CSMD1: variants seen among roughly 807,000 people sequenced by gnomAD.
CSMD1 encodes the protein CUB and Sushi multiple domains 1.
Under a neutral mutation model 417.5 loss-of-function variants are expected in CSMD1, and 213 were observed. The observed-to-expected ratio is 0.51, with a 90% CI of 0.46 to 0.57. The LOEUF is 0.57. CSMD1 is among the 20% of genes least tolerant of loss of function. CSMD1 has a pLI of 0.00. For missense variants in CSMD1, 6,923 were observed against 4,529.7 expected (o/e 1.53, Z -15.17); for synonymous variants, 2,862 against 1,736.8 (o/e 1.65, Z -16.11).
At chr8:3,258,592 G>T (rs867940359) in intron 26 of CSMD1, among the ~76,000 whole-genome samples, 1 of 152,138 alleles carries the variant, frequency 6.6e-6, no homozygotes, top group Non-Finnish European at 1.5e-5. Context: ...CCATTATTGG[G>T]TATATGCCCA....
At chr8:4,788,259 G>T in intron 1 of CSMD1, 1 of 1,588,154 alleles carries the variant, frequency 6.3e-7, no homozygotes, top group South Asian at 1.1e-5. Flanking sequence ...AGCTGAGTAT[G>T]AAAGGGATGG....
chr8:3,220,062 T>G (rs910589815), intron 28 of CSMD1, among the ~76,000 whole-genome samples: 1 of 149,410 alleles, frequency 6.7e-6, no homozygotes, highest in Non-Finnish European at 1.5e-5. Flanking sequence ...GGATGATCAC[T>G]TGAGGCCAGG....
At chr8:4,055,933 T>C (rs1248986306) in intron 3 of CSMD1, among the ~76,000 whole-genome samples, 3 of 152,148 alleles carry the variant, frequency 2.0e-5, no homozygotes, top group Non-Finnish European at 4.4e-5. Context: ...AACAAAAATA[T>C]GTAAATTACA....
chr8:4,885,579 G>C (rs1037726967), intron 1 of CSMD1, among the ~76,000 whole-genome samples: 4 of 152,074 alleles, frequency 2.6e-5, no homozygotes, highest in African/African-American at 7.2e-5. Flanking sequence ...GCATTACTGA[G>C]ATGATTAGGT....
At chr8:3,202,087 G>A (rs962696958) in intron 31 of CSMD1, among the ~76,000 whole-genome samples, 2 of 152,152 alleles carry the variant, frequency 1.3e-5, no homozygotes, top group African/African-American at 2.4e-5. Flanking sequence ...AGAATGGCTT[G>A]AACCTGGAAG....
At chr8:3,305,431 G>C (rs1401933192) in intron 25 of CSMD1, among the ~76,000 whole-genome samples, 1 of 151,338 alleles carries the variant, frequency 6.6e-6, no homozygotes, top group Non-Finnish European at 1.5e-5. Flanking sequence ...GAGCCCTTAT[G>C]AGGTGATTAG....
rs370992740 is a variant in CSMD1 at position 3,119,612 on chromosome 8, T to C, written c.6242-1025A>G. Among the ~76,000 whole-genome samples the C allele has an allele frequency of 4.6e-5, 7 of 152,208 alleles. No homozygotes were observed. In the East Asian group the frequency reaches 1.3e-3, roughly 29 times the overall value. On this transcript the variant is annotated intron_variant, in intron 41 of 69. Coordinates refer to ENST00000635120, the MANE Select transcript of CSMD1 (RefSeq NM_033225.6). The stretch of plus-strand genomic sequence containing the variant: ...TAACTAATCCATAAATCAGGTATCA[T>C]CTGATACTGTAATTTTAAAGCTAAA...
At chr8:3,360,583 G>A (rs1476388795) in intron 20 of CSMD1, among the ~76,000 whole-genome samples, 1 of 152,178 alleles carries the variant, frequency 6.6e-6, no homozygotes, top group Non-Finnish European at 1.5e-5. Flanking sequence ...GTATTGGAAT[G>A]GTAAGAAGAG....
chr8:4,078,313 C>CTTTTT (rs34359373), intron 3 of CSMD1, among the ~76,000 whole-genome samples: 4 of 131,268 alleles, frequency 3.0e-5, no homozygotes, highest in African/African-American at 8.8e-5. Flanking sequence ...TGATATCCAA[C>CTTTTT]TTTTTTTTTT....
At chr8:4,093,301 A>T (rs1322910451) in intron 3 of CSMD1, among the ~76,000 whole-genome samples, 1 of 152,242 alleles carries the variant, frequency 6.6e-6, no homozygotes, top group Non-Finnish European at 1.5e-5. Context: ...TATACAATTT[A>T]AATAAACCAG....
Position 3,409,505 on chromosome 8 carries a change from C to T in CSMD1, c.1662G>A (p.Pro554=), listed in dbSNP as rs182017822. The part of the protein sequence containing the change: ...LHGDTLTFEC[P]AAFELVGERV... ...TCTCCCCCACCAGCTCAAAGGCCGC[C>T]GGGCATTCAAAGGTGAGTGTATCTC... is the stretch of plus-strand genomic sequence containing the variant. The change falls in exon 13 of 70, where the codon CCG becomes CCA. Residue 554 remains proline, a synonymous_variant. Coordinates refer to ENST00000635120, the MANE Select transcript of CSMD1 (RefSeq NM_033225.6). 10,288 of 1,611,056 alleles carry T rather than the reference C, an allele frequency of 6.4e-3. 56 individuals are homozygous for T. Among genetic ancestry groups the T allele is most frequent in the Non-Finnish European group, 7.9e-3 (9,326 of 1,178,768 alleles).
At chr8:3,869,915 G>A (rs76713199) in intron 5 of CSMD1, among the ~76,000 whole-genome samples, 7 of 152,148 alleles carry the variant, frequency 4.6e-5, no homozygotes, top group African/African-American at 1.7e-4. Flanking sequence ...GGAAAAACTA[G>A]CCCTTTCCTT....
At chr8:4,296,667 C>A (rs903717483) in intron 3 of CSMD1, among the ~76,000 whole-genome samples, 3 of 141,584 alleles carry the variant, frequency 2.1e-5, no homozygotes, top group African/African-American at 7.8e-5. Context: ...GGTCCCTAGG[C>A]TTGGGTCCCT....
intron 1 of CSMD1, among the ~76,000 whole-genome samples, chr8:4,727,725 C>T (rs904747615): frequency 5.3e-5 from 8 of 151,086 alleles, no homozygotes; most frequent in African/African-American, 1.7e-4. Context: ...AGTAATCTTC[C>T]TCTTTCCTCT....
intron 2 of CSMD1, among the ~76,000 whole-genome samples, chr8:4,520,957 A>G (rs183747527): frequency 5.0e-4 from 76 of 152,272 alleles, no homozygotes; most frequent in African/African-American, 1.8e-3. Context: ...GAATTTTTAA[A>G]TCTGCTGCTC....
At chr8:3,928,446 G>A (rs901547581) in intron 5 of CSMD1, among the ~76,000 whole-genome samples, 4 of 152,260 alleles carry the variant, frequency 2.6e-5, no homozygotes, top group African/African-American at 9.6e-5. Flanking sequence ...ACCAGTAACT[G>A]CTGAATTAAT....
chr8:4,003,596 A>T (rs1815874670), intron 4 of CSMD1, among the ~76,000 whole-genome samples: 1 of 152,210 alleles, frequency 6.6e-6, no homozygotes, highest in South Asian at 2.1e-4. Flanking sequence ...AATTAAAACA[A>T]CACTGAAATG....
chr8:3,379,085 C>G (rs117733376), intron 18 of CSMD1, among the ~76,000 whole-genome samples: 7 of 152,162 alleles, frequency 4.6e-5, no homozygotes, highest in African/African-American at 1.7e-4. Context: ...AAAGCACAAG[C>G]ATTCCTATAC....
At chr8:4,912,135 A>AAAAAAAGAAAAAAG (rs1554518070) in intron 1 of CSMD1, among the ~76,000 whole-genome samples, 6 of 115,612 alleles carry the variant, frequency 5.2e-5, no homozygotes, top group African/African-American at 8.8e-5. Context: ...AAAAAAAAAA[A>AAAAAAAGAAAAAAG]AAAAAAGAAA....
Sources: allele counts gnomAD v4.1 joint callset (sites outside exome capture counted in the v4.1 genomes callset), GRCh38; gene constraint gnomAD v4.1.1; transcripts MANE v1.5; gene names NCBI Gene and HGNC (gene_info 2026-07-23, HGNC 2026-07-21).